The following PCDHA1 variants were observed in gnomAD, a reference collection of about 807,000 sequenced individuals.
The protein encoded by PCDHA1 is protocadherin alpha-1.
In PCDHA1, 42 loss-of-function variants were observed where a neutral mutation model predicts 61.3. That is an observed-to-expected ratio of 0.69 (90% CI 0.54 to 0.89). The LOEUF is 0.89. Among genes scored for constraint, PCDHA1 ranks in the 40% least tolerant of loss-of-function variants. PCDHA1 has a pLI of 0.00. For missense variants in PCDHA1, 1,256 were observed against 1,235.3 expected, an observed-to-expected ratio of 1.02 and a Z score of -0.25; for synonymous variants, 610 against 553.8, an observed-to-expected ratio of 1.10 and a Z score of -1.43.
intron 2 of PCDHA1, 148 bp from the exon 3 acceptor site, chr5:140,982,327 C>A: frequency 7.0e-7 from 1 of 1,419,146 alleles, no homozygotes; most frequent in South Asian, 1.4e-5. Context: ...AGGGTGACTG[C>A]TCAGCAGTAA....
chr5:140,947,277 T>C (rs1272482991), intron 1 of PCDHA1, among the ~76,000 whole-genome samples: 3 of 151,662 alleles, frequency 2.0e-5, no homozygotes, highest in African/African-American at 7.2e-5. Context: ...AAATACTTTT[T>C]CTTTTTATTG....
chr5:140,835,647 G>A, intron 1 of PCDHA1: 1 of 1,613,958 alleles, frequency 6.2e-7, no homozygotes, highest in Non-Finnish European at 8.5e-7. Context: ...GTCCGCCTAT[G>A]AGCTGGTGGT....
intron 1 of PCDHA1, chr5:140,858,649 AT>A: frequency 1.2e-6 from 1 of 824,582 alleles, no homozygotes; most frequent in East Asian, 2.7e-5. Flanking sequence ...TGGTACTTAA[AT>A]TTTTTTAAAT....
intron 1 of PCDHA1, among the ~76,000 whole-genome samples, chr5:140,934,486 A>G (rs1243287097): frequency 6.6e-6 from 1 of 152,124 alleles, no homozygotes; most frequent in East Asian, 1.9e-4. Context: ...AATTATATTC[A>G]CCTCATAAAC....
At chr5:140,967,246 G>A in intron 1 of PCDHA1, 1 of 1,613,594 alleles carries the variant, frequency 6.2e-7, no homozygotes, top group Non-Finnish European at 8.5e-7. Context: ...TAAGCGAATC[G>A]GTGGCGCCTG....
chr5:141,005,339 T>C (rs920058303), intron 3 of PCDHA1, among the ~76,000 whole-genome samples: 5 of 151,926 alleles, frequency 3.3e-5, no homozygotes, highest in African/African-American at 9.7e-5. Context: ...GCCAAGGGGG[T>C]GCTGCTTGGC....
Position 140,787,580 on chromosome 5 carries a change from G to A in PCDHA1, c.1290G>A (p.Gly430=). 1 of 1,614,166 alleles carries A rather than the reference G, an allele frequency of 6.2e-7. No homozygotes were observed. The highest frequency in any genetic ancestry group is 8.5e-7 in the Non-Finnish European group (1 of 1,180,038). ...AGCTGGTGGTGACCGCGCGGGACGG[G>A]GGCTCGCCTTCGCTGTGGGCCACGG... ...VYELVVTARD[G]GSPSLWATAR... Residue 430 remains glycine, a synonymous_variant, in exon 1 of 4, where the codon GGG becomes GGA. Transcript: ENST00000504120.
At chr5:140,796,556 T>C (rs781947365) in intron 1 of PCDHA1, 2 of 1,613,084 alleles carry the variant, frequency 1.2e-6, no homozygotes, top group Non-Finnish European at 1.7e-6. Flanking sequence ...GTGGAGCTGC[T>C]GCAGTTCCAG....
At chr5:140,967,046 C>G in intron 1 of PCDHA1, 1 of 1,612,334 alleles carries the variant, frequency 6.2e-7, no homozygotes, top group Non-Finnish European at 8.5e-7. Context: ...GGAGCTGGAC[C>G]TGACGAGTGG....
chr5:140,837,515 A>C (rs1170524958), intron 1 of PCDHA1, among the ~76,000 whole-genome samples: 2 of 96,498 alleles, frequency 2.1e-5, no homozygotes, highest in African/African-American at 1.1e-4. Context: ...GAAGCAGTTT[A>C]CTTTTTTTGT....
chr5:140,938,034 A>G (rs541380016), intron 1 of PCDHA1, among the ~76,000 whole-genome samples: 2 of 152,160 alleles, frequency 1.3e-5, no homozygotes, highest in South Asian at 4.2e-4. Flanking sequence ...TCATATTTTT[A>G]TATTTTGGGT....
At chr5:140,857,366 G>A in intron 1 of PCDHA1, 1 of 1,598,350 alleles carries the variant, frequency 6.3e-7, no homozygotes, top group Non-Finnish European at 8.6e-7. Context: ...CACGGCCAGC[G>A]TGTCTGTGGA....
chr5:140,928,802 TG>T, intron 1 of PCDHA1: 1 of 1,614,142 alleles, frequency 6.2e-7, no homozygotes, highest in South Asian at 1.1e-5. Context: ...GTGGTGGTAG[TG>T]GTTCGGGACC....
chr5:140,786,388 A>T lies in PCDHA1; in HGVS notation c.98A>T (p.Tyr33Phe), dbSNP rs782781600. ...GAGGTGGGGAGCGGCCAGCTCCACT[A>T]CTCGATCCCGGAGGAAGCCAAACAC... ...AWEVGSGQLH[Y>F]SIPEEAKHGT... is the part of the protein sequence containing the mutation. The change falls in exon 1 of 4, where the codon TAC becomes TTC. Residue 33 changes from tyrosine to phenylalanine, a missense_variant. Transcript: ENST00000504120. The T allele has an allele frequency of 6.2e-7, 1 of 1,613,566 alleles. No homozygotes were observed. Among genetic ancestry groups the T allele is most frequent in the Non-Finnish European group, 8.5e-7 (1 of 1,180,010 alleles).
At chr5:140,869,812 G>A (rs2051440753) in intron 1 of PCDHA1, 1 of 1,612,340 alleles carries the variant, frequency 6.2e-7, no homozygotes, top group East Asian at 2.2e-5. Flanking sequence ...GGATGTCAAC[G>A]ACAATGATCC....
chr5:140,843,275 A>ACC, intron 1 of PCDHA1: 1 of 1,595,960 alleles, frequency 6.3e-7, no homozygotes, highest in East Asian at 2.2e-5. Flanking sequence ...GGTCCTGGTG[A>ACC]AGGATCATGG....
rs2150485669 is a variant in PCDHA1, at chr5:140,850,474, C to T, written c.2394+61790C>T. On this transcript the variant is annotated intron_variant, in intron 1 of 3. Coordinates refer to ENST00000504120, the MANE Select transcript of PCDHA1 (RefSeq NM_018900.4). ...AAAGACCACGGGGAGCCAGCGCTGA[C>T]GGCCACGGCCACTGTGCTGGTGTCG... 7.5e-6 allele frequency: 12 copies of T among 1,597,644 alleles called. 2 individuals are homozygous for T. In the South Asian group the frequency reaches 1.1e-4, roughly 15 times the overall value.
chr5:140,835,845 G>C, intron 1 of PCDHA1: 2 of 1,612,312 alleles, frequency 1.2e-6, no homozygotes, highest in Non-Finnish European at 1.7e-6. Context: ...GCAGAAGAAC[G>C]CGCTGGTGTC....
Position 141,010,254 on chromosome 5 carries a change from C to T in PCDHA1, c.*317C>T. Reference sequence around the variant, plus strand: ...GCCAGTGAGAGGTTGGACTCTCTGCCCTGTGCTCCGGGGATCCTGTCTTGA... The same window carrying T: ...GCCAGTGAGAGGTTGGACTCTCTGCTCTGTGCTCCGGGGATCCTGTCTTGA... On this transcript the variant is annotated 3_prime_UTR_variant, in exon 4 of 4. Transcript: ENST00000504120. The T allele has an allele frequency of 6.4e-7, 1 of 1,551,810 alleles. No individual in the cohort carries two copies. Among genetic ancestry groups the T allele is most frequent in the Non-Finnish European group, 8.7e-7 (1 of 1,147,018 alleles).
Sources: allele counts gnomAD v4.1 joint callset (sites outside exome capture counted in the v4.1 genomes callset), GRCh38; gene constraint gnomAD v4.1.1; transcripts MANE v1.5; gene names NCBI Gene and HGNC (gene_info 2026-07-23, HGNC 2026-07-21).